Variants in PANK3 observed in about 807,000 individuals in gnomAD.
The protein encoded by PANK3 is hPanK3.
PANK3 carries 20 observed loss-of-function variants against 39.4 expected under a neutral mutation model. That is an observed-to-expected ratio of 0.51 (90% CI 0.36 to 0.74). The LOEUF (loss-of-function observed/expected upper bound fraction) is 0.74, where lower values mean the gene tolerates loss of function less well. Among genes scored for constraint, PANK3 ranks in the 30% least tolerant of loss-of-function variants. The pLI, the probability that PANK3 is intolerant of heterozygous loss-of-function variation, is 0.00. For missense variants in PANK3, 265 were observed against 437.0 expected (o/e 0.61, Z 3.51); for synonymous variants, 140 against 157.3 (o/e 0.89, Z 0.82).
intron 3 of PANK3, among the ~76,000 whole-genome samples, 185 bp from the exon 4 acceptor site, chr5:168,564,250 A>G (rs1272676081): frequency 1.3e-5 from 2 of 152,224 alleles, no homozygotes; most frequent in South Asian, 4.1e-4. Context: ...TTGTTAGATC[A>G]AAGAATAAAC....
At chr5:168,565,957 T>A (rs1273378110) in intron 3 of PANK3, 56 bp downstream of exon 3, 2 of 1,514,750 alleles carry the variant, frequency 1.3e-6, no homozygotes. Flanking sequence ...ACTGATTTCA[T>A]AACTTCTGTG....
At chr5:168,571,834 A>G (rs372402384) in intron 1 of PANK3, among the ~76,000 whole-genome samples, 3 of 152,312 alleles carry the variant, frequency 2.0e-5, no homozygotes, top group African/African-American at 7.2e-5. Flanking sequence ...GTTCGTCTTT[A>G]TATTTGAAAC....
chr5:168,564,189 G>C (rs80246901), intron 3 of PANK3, 124 bp from the exon 4 acceptor site: 3 of 807,754 alleles, frequency 3.7e-6, no homozygotes, highest in Non-Finnish European at 1.8e-6. Flanking sequence ...CTAATGCTGA[G>C]TGCTGAAATA....
chr5:168,576,199 T>G (rs1052221639), intron 1 of PANK3, among the ~76,000 whole-genome samples: 13 of 152,200 alleles, frequency 8.5e-5, no homozygotes, highest in African/African-American at 3.1e-4. Flanking sequence ...CAACTGAGTT[T>G]ACAACAGGCC....
intron 5 of PANK3, 103 bp downstream of exon 5, chr5:168,561,290 C>T (rs1759443409): frequency 1.9e-6 from 2 of 1,037,124 alleles, no homozygotes; most frequent in African/African-American, 1.6e-5. Context: ...ACATCTCAAT[C>T]CCAGAGGCCT....
intron 1 of PANK3, among the ~76,000 whole-genome samples, chr5:168,574,078 C>T (rs1243212576): frequency 4.0e-5 from 6 of 150,568 alleles, no homozygotes; most frequent in Non-Finnish European, 7.4e-5. Flanking sequence ...TTCTAGATCC[C>T]TGAGGAATCG....
At chr5:168,572,188 ACT>A (rs1759649526) in intron 1 of PANK3, among the ~76,000 whole-genome samples, 2 of 146,978 alleles carry the variant, frequency 1.4e-5, no homozygotes, top group South Asian at 4.3e-4. Context: ...ATCTCTGCTA[ACT>A]GTAGCCTCCA....
chr5:168,551,235 T>C lies in PANK3; in HGVS notation c.*6336A>G, dbSNP rs562144010. 6.6e-6 allele frequency: 1 copy of C among 152,306 alleles called. No individual in the cohort carries two copies. Among genetic ancestry groups the C allele is most frequent in the East Asian group, 1.9e-4 (1 of 5,194 alleles). The allele number at this position is 152,306 out of a possible 1,614,324, so 9.4% of individuals were successfully genotyped here. On this transcript the variant is annotated 3_prime_UTR_variant, in exon 7 of 7. Transcript: ENST00000239231. The stretch of plus-strand genomic sequence containing the variant: ...GATTATCTGATGATAGAAACAAAGT[T>C]GGCTGAATTCCTTAGGTATTAGAAT...
chr5:168,561,265 G>T, intron 5 of PANK3, 128 bp downstream of exon 5: 1 of 703,000 alleles, frequency 1.4e-6, no homozygotes, highest in Non-Finnish European at 2.2e-6. Context: ...AATGAGTCTT[G>T]GCATTTAATG....
rs372745752 is a variant in PANK3, at chr5:168,559,120, C to T, written c.974G>A (p.Arg325His). 22 of 1,579,228 alleles carry T rather than the reference C, an allele frequency of 1.4e-5. No individual in the cohort carries two copies. The highest frequency in any genetic ancestry group is 1.3e-5 in the Non-Finnish European group (15 of 1,157,728). ...AAGTTTCATTGAGAGGGTATTGACA[C>T]GTAAAAAGTTTCCAACAAAGACAAC... ...NRVVFVGNFL[R>H]VNTLSMKLLA... is the part of the protein sequence containing the mutation. Residue 325 changes from arginine to histidine, a missense_variant, in exon 6 of 7, where the codon CGT becomes CAT. Physicochemically the swap from Arg to His is conservative, Grantham distance 29 (BLOSUM62 0). Transcript: ENST00000239231.
intron 1 of PANK3, among the ~76,000 whole-genome samples, 200 bp downstream of exon 1, chr5:168,579,056 C>T (rs1194985953): frequency 6.6e-6 from 1 of 152,202 alleles, no homozygotes; most frequent in Non-Finnish European, 1.5e-5. Context: ...TAGGGGGCGG[C>T]AGGCATTCAC....
At position 168,561,416 on chromosome 5, in the gene PANK3, C is replaced by A. The variant is rs1252836407; in HGVS notation, c.913G>T (p.Ala305Ser). ...VTITNNIGSV[A>S]RMCAVNEKIN... ...ACCTCATTAACAGCACACATTCGTGCCACAGAACCAATGTTATTGGTGATA... is the reference window on the plus strand; with the variant it reads ...ACCTCATTAACAGCACACATTCGTGACACAGAACCAATGTTATTGGTGATA... The change falls in exon 5 of 7, where the codon GCA (alanine) becomes TCA (serine). Residue 305 changes from alanine (A) to serine (S), a missense_variant. Physicochemically the swap from Ala to Ser is moderately conservative, Grantham distance 99. This residue lies in a region of PANK3 where 110 missense variants were observed against 161.2 expected (regional missense o/e 0.68). Coordinates refer to ENST00000239231, the MANE Select transcript of PANK3 (RefSeq NM_024594.4). 5 of 1,588,364 alleles carry A rather than the reference C, an allele frequency of 3.1e-6. No homozygotes were observed. Among genetic ancestry groups the A allele is most frequent in the Non-Finnish European group, 4.3e-6 (5 of 1,169,730 alleles).
chr5:168,559,144 ACT>A lies in PANK3; in HGVS notation c.948_949del (p.Arg316SerfsTer38), dbSNP rs1759402287. On this transcript the variant is annotated frameshift_variant, in exon 6 of 7. Coordinates refer to ENST00000239231, the MANE Select transcript of PANK3 (RefSeq NM_024594.4). LOFTEE classifies it high-confidence loss of function. Reference sequence around the variant, plus strand: ...ACGTAAAAAGTTTCCAACAAAGACAACTCTGTTTATTTTCTAAAAGAAAAGAA... The same window carrying A: ...ACGTAAAAAGTTTCCAACAAAGACAACTGTTTATTTTCTAAAAGAAAAGAA... 6.5e-7 allele frequency: 1 copy of A among 1,542,196 alleles called. No homozygotes were observed. The highest frequency in any genetic ancestry group is 8.8e-7 in the Non-Finnish European group (1 of 1,133,604).
At chr5:168,567,485 T>C (rs1355319554) in intron 2 of PANK3, among the ~76,000 whole-genome samples, 1 of 152,216 alleles carries the variant, frequency 6.6e-6, no homozygotes, top group Non-Finnish European at 1.5e-5. Context: ...GCAGCTTAGA[T>C]ATCACTTCCT....
rs1213624947 is a variant in PANK3, at chr5:168,555,066, A to G, written c.*2505T>C. 1 of 152,204 alleles carries G rather than the reference A, an allele frequency of 6.6e-6. No homozygotes were observed. The highest frequency in any genetic ancestry group is 1.5e-5 in the Non-Finnish European group (1 of 68,018). 9.4% of individuals were successfully genotyped at this position (152,204 alleles called of 1,614,324 possible). On this transcript the variant is annotated 3_prime_UTR_variant, in exon 7 of 7. Transcript: ENST00000239231. ...CATAATGAAGGCTGCCAAAGATTAT[A>G]ATTTTTTATTAAGATCTCGAGTAAC...
rs538340993 is a variant in PANK3 at position 168,553,042 on chromosome 5, A to G, written c.*4529T>C. The G allele has an allele frequency of 8.9e-6, 3 of 337,534 alleles. No individual in the cohort carries two copies. Among genetic ancestry groups the G allele is most frequent in the South Asian group, 5.5e-5 (2 of 36,270 alleles). The allele number at this position is 337,534 out of a possible 1,614,324, so 20.9% of individuals were successfully genotyped here. ...TGGGACACATCCTGAGTCCCCTACA[A>G]TTGCTGAAGGATCTCATTAGTACTC... On this transcript the variant is annotated 3_prime_UTR_variant, in exon 7 of 7. Coordinates refer to ENST00000239231, the MANE Select transcript of PANK3 (RefSeq NM_024594.4).
intron 6 of PANK3, 38 bp from the exon 7 acceptor site, chr5:168,557,659 T>C (rs1344681409): frequency 5.2e-6 from 8 of 1,536,992 alleles, no homozygotes; most frequent in Non-Finnish European, 7.2e-6. Context: ...TAGTACAGCT[T>C]TTAAGTTAGC....
chr5:168,574,730 G>A (rs1365638335), intron 1 of PANK3, among the ~76,000 whole-genome samples: 6 of 152,124 alleles, frequency 3.9e-5, no homozygotes, highest in East Asian at 1.9e-4. Flanking sequence ...GCTTGGTGGC[G>A]TGTGCCTGTA....
intron 1 of PANK3, among the ~76,000 whole-genome samples, chr5:168,573,967 G>A (rs1759690052): frequency 6.6e-6 from 1 of 151,990 alleles, no homozygotes. Flanking sequence ...GAATAATGCT[G>A]CAATAAACAT....
Sources: gnomAD v4.1 joint callset for allele counts (sites outside exome capture counted in the v4.1 genomes callset) on GRCh38, gnomAD v4.1.1 for gene constraint, gnomAD v4.1.1 regional missense constraint, MANE v1.5 for transcripts, NCBI Gene and HGNC (gene_info 2026-07-23, HGNC 2026-07-21) for gene names.